Variants in LRP5 observed in about 807,000 individuals in gnomAD.
LRP5 encodes the protein low-density lipoprotein receptor-related protein 5.
LRP5 carries 62 observed loss-of-function variants against 154.1 expected under a neutral mutation model. That is an observed-to-expected ratio of 0.40 (90% confidence interval 0.33 to 0.50). The LOEUF (loss-of-function observed/expected upper bound fraction) is 0.50. LRP5 is among the 20% of genes least tolerant of loss of function. The pLI is 0.55. For missense variants in LRP5, 1,915 were observed against 2,336.7 expected, an observed-to-expected ratio of 0.82 and a Z score of 3.72; for synonymous variants, 966 against 1,011.5, an observed-to-expected ratio of 0.96 and a Z score of 0.85.
intron 4 of LRP5, 109 bp downstream of exon 4, chr11:68,364,052 T>TG: frequency 1.1e-4 from 1 of 9,474 alleles, no homozygotes; most frequent in Admixed American, 1.3e-3. Flanking sequence ...CGGGCGTGGG[T>TG]GGGGTGGGGG....
chr11:68,439,664 C>G (rs760795141), intron 20 of LRP5, 113 bp from the exon 21 acceptor site: 19 of 1,168,008 alleles, frequency 1.6e-5, no homozygotes, highest in Middle Eastern at 1.9e-4. Flanking sequence ...CAGGACACAC[C>G]GCCCTGGTCT....
At position 68,395,347 on chromosome 11, in the gene LRP5, TG is replaced by T. The variant is rs372387872; in HGVS notation, c.1584+5302del. On this transcript the variant is annotated intron_variant, in intron 7 of 22. Coordinates refer to ENST00000294304, the MANE Select transcript of LRP5 (RefSeq NM_002335.4). ...AAAAAGACCAACCGAGGAATTGAAG[TG>T]GGGGGGCGTCACAGTAGCAGAAGGG... is the stretch of plus-strand genomic sequence containing the variant. Among the ~76,000 whole-genome samples, 518 of 131,808 alleles carry T rather than the reference TG, an allele frequency of 3.9e-3. 5 individuals carry two copies. The highest frequency in any genetic ancestry group is 0.014 in the African/African-American group (492 of 35,270). The allele number at this position is 131,808 out of a possible 152,430, so 86.5% of individuals were successfully genotyped here.
intron 1 of LRP5, among the ~76,000 whole-genome samples, chr11:68,344,369 A>G (rs1223803011): frequency 6.6e-6 from 1 of 151,358 alleles, no homozygotes. Flanking sequence ...CCCAGGCTGG[A>G]GTGCAATGGG....
At position 68,426,218 on chromosome 11, in the gene LRP5, G is replaced by A. The variant is rs750532145; in HGVS notation, c.3637+31G>A. ...TGGGGGCTGGCAGTGGGGTGGGCAG[G>A]GTGGCCTCTAAACCCGACCCCTGGA... is the stretch of plus-strand genomic sequence containing the variant. On this transcript the variant is annotated intron_variant, in intron 16 of 22. Transcript: ENST00000294304. The A allele has an allele frequency of 5.0e-6, 8 of 1,596,762 alleles. No homozygotes were observed. In the South Asian group the frequency reaches 7.7e-5, roughly 15 times the overall value.
chr11:68,299,398 T>C, the LRP5 span, among the ~76,000 whole-genome samples: 1 of 151,964 alleles, frequency 6.6e-6, no homozygotes. Flanking sequence ...AGAAGACAGA[T>C]GCAGCGGGGA....
At chr11:68,316,264 G>T (rs543611752) in intron 1 of LRP5, among the ~76,000 whole-genome samples, 1 of 152,078 alleles carries the variant, frequency 6.6e-6, no homozygotes, top group East Asian at 1.9e-4. Flanking sequence ...CCACGTATGG[G>T]TGTTTCAGCC....
At position 68,353,459 on chromosome 11, in the gene LRP5, G is replaced by T. The variant is rs2098620451; in HGVS notation, c.489-4191G>T. Among the ~76,000 whole-genome samples, 1 of 151,976 alleles carries T rather than the reference G, an allele frequency of 6.6e-6. No individual in the cohort carries two copies. The highest frequency in any genetic ancestry group is 2.1e-4 in the South Asian group (1 of 4,832). Reference sequence around the variant, plus strand: ...CGGAGAGGGAGAGGGAGAGGGAGAGGATTCCAGCCTGTCACAGCGCCCGCG... The same window carrying T: ...CGGAGAGGGAGAGGGAGAGGGAGAGTATTCCAGCCTGTCACAGCGCCCGCG... On this transcript the variant is annotated intron_variant, in intron 2 of 22. Transcript: ENST00000294304. The surrounding 1 kb of genome is among the most constrained non-coding windows in gnomAD (Gnocchi z 4.5).
intron 4 of LRP5, among the ~76,000 whole-genome samples, chr11:68,364,586 ACGCTGGGTTGTGACAGAGGTCC>A (rs1389765366): frequency 6.6e-6 from 1 of 152,158 alleles, no homozygotes; most frequent in African/African-American, 2.4e-5. Flanking sequence ...CCTGGGGGCC[ACGCTGGGTTGTGACAGAGGTCC>A]CTGATGGGGA....
intron 1 of LRP5, among the ~76,000 whole-genome samples, chr11:68,336,174 G>A (rs376611530): frequency 1.3e-5 from 2 of 152,126 alleles, no homozygotes; most frequent in African/African-American, 4.8e-5. Context: ...TCTAGGGCTG[G>A]GGCAAGGAAA....
chr11:68,400,946 G>A (rs780573392), intron 7 of LRP5, among the ~76,000 whole-genome samples: 4 of 152,074 alleles, frequency 2.6e-5, no homozygotes, highest in Non-Finnish European at 4.4e-5. Context: ...ATCGAAACCT[G>A]GATTGCTTTC....
Position 68,433,785 on chromosome 11 carries a change from G to C in LRP5, c.3947G>C (p.Arg1316Pro). The change falls in exon 18 of 23, where the codon CGC becomes CCC. Residue 1316 changes from arginine to proline, a missense_variant. By Grantham distance (103) the Arg-to-Pro change is moderately radical (BLOSUM62 -2). Transcript: ENST00000294304. ...ARGQCVDLRL[R>P]CDGEADCQDR... is the part of the protein sequence containing the mutation. ...GGTCAGTGTGTGGACCTGCGCCTGC[G>C]CTGCGACGGCGAGGCAGACTGTCAG... 1 of 1,612,582 alleles carries C rather than the reference G, an allele frequency of 6.2e-7. No individual in the cohort carries two copies.
chr11:68,404,437 C>T, intron 8 of LRP5: 1 of 501,198 alleles, frequency 2.0e-6, no homozygotes, highest in South Asian at 1.5e-5. Flanking sequence ...CGGGTTGACT[C>T]TGCTGCCCGT....
chr11:68,388,957 G>GACCGACACCGACATTT (rs1333651874), intron 6 of LRP5, among the ~76,000 whole-genome samples: 2 of 151,934 alleles, frequency 1.3e-5, no homozygotes, highest in Non-Finnish European at 2.9e-5. Context: ...CACCGACATT[G>GACCGACACCGACATTT]ACCGACACCG....
intron 21 of LRP5, among the ~76,000 whole-genome samples, chr11:68,442,536 A>G (rs926057374): frequency 3.9e-5 from 6 of 152,172 alleles, no homozygotes; most frequent in Non-Finnish European, 5.9e-5. Context: ...TCAGCCTCCC[A>G]AAGTGGTAGG....
chr11:68,404,740 G>A (rs1255734344), intron 8 of LRP5, among the ~76,000 whole-genome samples: 4 of 152,108 alleles, frequency 2.6e-5, no homozygotes, highest in Non-Finnish European at 5.9e-5. Flanking sequence ...GGAGGCCGAG[G>A]CGGGTGGATC....
At chr11:68,341,593 G>C (rs1283874533) in intron 1 of LRP5, among the ~76,000 whole-genome samples, 1 of 152,086 alleles carries the variant, frequency 6.6e-6, no homozygotes. Flanking sequence ...AGAGACCTTG[G>C]GCACATGGGC....
chr11:68,409,073 AAT>A (rs1174773377), intron 9 of LRP5, among the ~76,000 whole-genome samples: 22 of 44,178 alleles, frequency 5.0e-4, no homozygotes, highest in South Asian at 3.5e-3. Context: ...AAAAAAAAAA[AAT>A]ATATATATAT....
chr11:68,308,917 C>G (rs1007652253), upstream of LRP5, among the ~76,000 whole-genome samples: 80 of 131,082 alleles, frequency 6.1e-4, 1 homozygote, highest in Non-Finnish European at 5.1e-4. Context: ...CCCAACTAAT[C>G]AGCTAATTTT....
At chr11:68,352,519 G>C (rs1479534036) in intron 2 of LRP5, among the ~76,000 whole-genome samples, 1 of 152,220 alleles carries the variant, frequency 6.6e-6, no homozygotes, top group Non-Finnish European at 1.5e-5. Flanking sequence ...GTTGGGAAGT[G>C]CTCAGTGCTA....
Sources: allele counts gnomAD v4.1 joint callset (sites outside exome capture counted in the v4.1 genomes callset), GRCh38; gene constraint gnomAD v4.1.1; non-coding constraint Gnocchi (gnomAD v3.1); transcripts MANE v1.5; gene names NCBI Gene and HGNC (gene_info 2026-07-23, HGNC 2026-07-21).